Variants in RLN2 observed in about 807,000 individuals in gnomAD.
The protein encoded by RLN2 is prorelaxin H2.
RLN2 carries 10 observed loss-of-function variants against 7.3 expected under a neutral mutation model. That is an observed-to-expected ratio of 1.36 (90% CI 0.84 to 2.31). The LOEUF (loss-of-function observed/expected upper bound fraction) is 2.31. RLN2 is among the 30% of genes most tolerant of loss of function. The pLI is 0.00. For missense variants in RLN2, 298 were observed against 217.6 expected (o/e 1.37, Z -2.32); for synonymous variants, 103 against 82.3 (o/e 1.25, Z -1.36).
At chr9:5,328,759 A>G in the RLN2 span, among the ~76,000 whole-genome samples, 1 of 78,368 alleles carries the variant, frequency 1.3e-5, no homozygotes, top group South Asian at 5.3e-4. Flanking sequence ...CCAATATTCA[A>G]CATTCTTAAA....
the RLN2 span, among the ~76,000 whole-genome samples, chr9:5,333,047 T>C: frequency 1.2e-4 from 18 of 152,022 alleles, no homozygotes; most frequent in Non-Finnish European, 2.6e-4. Context: ...AGCTTAAAAT[T>C]TAATCTCATT....
upstream of RLN2, among the ~76,000 whole-genome samples, chr9:5,306,860 C>T (rs2130996388): frequency 6.6e-6 from 1 of 152,176 alleles, no homozygotes; most frequent in Non-Finnish European, 1.5e-5. Flanking sequence ...AAGTGCTAGA[C>T]ATGGTTTCCC....
At chr9:5,318,010 G>GTGTGTGTGTGTGTC in the RLN2 span, among the ~76,000 whole-genome samples, 2 of 151,048 alleles carry the variant, frequency 1.3e-5, no homozygotes, top group Non-Finnish European at 1.5e-5. Flanking sequence ...GTGTGTGCGT[G>GTGTGTGTGTGTGTC]TGTGTGTGTG....
chr9:5,329,309 CAA>C, the RLN2 span, among the ~76,000 whole-genome samples: 151 of 53,268 alleles, frequency 2.8e-3, no homozygotes, highest in African/African-American at 0.01. Flanking sequence ...GACTCCATCT[CAA>C]AAAAAAAAAA....
chr9:5,335,314 C>T, the RLN2 span: 3 of 1,610,262 alleles, frequency 1.9e-6, no homozygotes. Flanking sequence ...CAAACAGTGC[C>T]ACGTAGGGTC....
the RLN2 span, among the ~76,000 whole-genome samples, chr9:5,328,534 A>G: frequency 6.6e-6 from 1 of 152,046 alleles, no homozygotes; most frequent in Non-Finnish European, 1.5e-5. Context: ...AGGCAGGCCA[A>G]CATTCAAATT....
chr9:5,326,191 T>A, the RLN2 span, among the ~76,000 whole-genome samples: 17 of 152,142 alleles, frequency 1.1e-4, no homozygotes, highest in Non-Finnish European at 1.6e-4. Flanking sequence ...TTAAATTTTT[T>A]AAAATTGTTT....
the RLN2 span, among the ~76,000 whole-genome samples, chr9:5,312,926 T>C: frequency 2.0e-5 from 3 of 152,042 alleles, no homozygotes; most frequent in Admixed American, 6.6e-5. Flanking sequence ...TTTCATGACA[T>C]TGTGGTATCA....
chr9:5,337,863 T>G, the RLN2 span, among the ~76,000 whole-genome samples: 1 of 152,068 alleles, frequency 6.6e-6, no homozygotes, highest in African/African-American at 2.4e-5. Flanking sequence ...TTAATGATTT[T>G]CAGCAACAAT....
chr9:5,312,952 G>A, the RLN2 span, among the ~76,000 whole-genome samples: 1 of 151,968 alleles, frequency 6.6e-6, no homozygotes, highest in African/African-American at 2.4e-5. Context: ...TACTTGATAT[G>A]ATTTCAATTT....
chr9:5,305,548 A>AT (rs146445637), upstream of RLN2, among the ~76,000 whole-genome samples: 3,797 of 151,978 alleles, frequency 0.025, 203 homozygotes, highest in African/African-American at 0.087. Flanking sequence ...GTAAGAGGTG[A>AT]TTTTTTACCA....
the RLN2 span, among the ~76,000 whole-genome samples, chr9:5,331,995 A>G: frequency 2.0e-5 from 3 of 152,120 alleles, no homozygotes; most frequent in East Asian, 3.9e-4. Context: ...AAGGGTGTCC[A>G]TTGTAGTATT....
chr9:5,318,032 G>GTGTGTGTGTGTC, the RLN2 span, among the ~76,000 whole-genome samples: 11 of 151,794 alleles, frequency 7.2e-5, no homozygotes, highest in African/African-American at 2.7e-4. Context: ...GTGTGTGTCT[G>GTGTGTGTGTGTC]TATACACACA....
chr9:5,311,828 CTTTTT>C, the RLN2 span: 43 of 514,058 alleles, frequency 8.4e-5, no homozygotes, highest in East Asian at 1.4e-4. Context: ...TATTTTTTTT[CTTTTT>C]TTTTTATTAT....
At chr9:5,329,024 C>A in the RLN2 span, among the ~76,000 whole-genome samples, 8 of 152,006 alleles carry the variant, frequency 5.3e-5, no homozygotes. Context: ...ACTGCATCGG[C>A]CGGGTGCGGT....
At chr9:5,333,257 A>G in the RLN2 span, among the ~76,000 whole-genome samples, 1 of 152,012 alleles carries the variant, frequency 6.6e-6, no homozygotes, top group African/African-American at 2.4e-5. Flanking sequence ...CTGCCTGTTC[A>G]TAGGTTCCGC....
the RLN2 span, among the ~76,000 whole-genome samples, chr9:5,336,509 T>G: frequency 6.6e-6 from 1 of 152,090 alleles, no homozygotes; most frequent in South Asian, 2.1e-4. Context: ...TTCAGCTCCG[T>G]TGAACATTCA....
the RLN2 span, among the ~76,000 whole-genome samples, chr9:5,330,537 C>CT: frequency 1.3e-5 from 2 of 148,980 alleles, no homozygotes; most frequent in African/African-American, 5.0e-5. Flanking sequence ...ACTCTGGAGG[C>CT]TGAGGCAGGA....
chr9:5,311,798 T>G, the RLN2 span: 1 of 715,186 alleles, frequency 1.4e-6, no homozygotes. Context: ...TTTATAAAAA[T>G]GCAGAATTTT....
Sources: gnomAD v4.1 joint callset for allele counts (sites outside exome capture counted in the v4.1 genomes callset) on GRCh38, gnomAD v4.1.1 for gene constraint, MANE v1.5 for transcripts, NCBI Gene and HGNC (gene_info 2026-07-23, HGNC 2026-07-21) for gene names.